MSRA: variants seen among roughly 807,000 people sequenced by gnomAD.
MSRA encodes the protein mitochondrial peptide methionine sulfoxide reductase.
A neutral mutation model predicts 31.3 loss-of-function variants in MSRA; 54 were observed. The ratio of observed to expected loss-of-function variants is 1.73; its 90% CI spans 1.39 to 2.17. MSRA has a LOEUF of 2.17. Ranked by LOEUF, MSRA falls within the 30% of genes most tolerant of loss-of-function variation. The pLI is 0.00. For synonymous variants in MSRA, 169 were observed against 116.5 expected (o/e 1.45, Z -2.90); for missense variants, 507 against 300.9 (o/e 1.69, Z -5.07).
At chr8:10,195,161 CTGTCTT>C (rs1807861493) in intron 1 of MSRA, among the ~76,000 whole-genome samples, 3 of 152,218 alleles carry the variant, frequency 2.0e-5, no homozygotes, top group Admixed American at 6.5e-5. Flanking sequence ...CTTGTGATGA[CTGTCTT>C]TGTCCGTGAG....
intron 5 of MSRA, among the ~76,000 whole-genome samples, chr8:10,392,331 T>TAG (rs2129180135): frequency 6.6e-6 from 1 of 152,296 alleles, no homozygotes; most frequent in Admixed American, 6.5e-5. Context: ...TCGTGATGGC[T>TAG]AGAAGGAGTC....
At position 10,054,538 on chromosome 8, in the gene MSRA, G is replaced by A. The variant is rs769629346; in HGVS notation, c.22G>A (p.Ala8Thr). The A allele has an allele frequency of 3.2e-6, 5 of 1,585,810 alleles. No individual in the cohort carries two copies. In the East Asian group the frequency reaches 7.3e-5, roughly 23 times the overall value. ...TCCCATGCTCTCGGCCACCCGGAGG[G>A]CTTGCCAGCTCCTCCTCCTCCACAG... is the stretch of plus-strand genomic sequence containing the variant. MLSATRR[A>T]CQLLLLHSLF... Residue 8 changes from alanine to threonine, a missense_variant, in exon 1 of 6, where the codon GCT (alanine) becomes ACT (threonine). Coordinates refer to ENST00000317173, the MANE Select transcript of MSRA (RefSeq NM_012331.5).
chr8:10,248,721 T>G (rs985165428), intron 3 of MSRA, among the ~76,000 whole-genome samples: 5 of 152,238 alleles, frequency 3.3e-5, no homozygotes, highest in African/African-American at 4.8e-5. Flanking sequence ...ATAACATGGC[T>G]TCTCATAGTA....
intron 1 of MSRA, among the ~76,000 whole-genome samples, chr8:10,098,113 C>G (rs990370669): frequency 1.3e-5 from 2 of 152,034 alleles, no homozygotes; most frequent in Non-Finnish European, 2.9e-5. Flanking sequence ...ATGCATGCTT[C>G]TTTATTTTTA....
At chr8:10,058,251 G>A (rs955569657) in intron 1 of MSRA, among the ~76,000 whole-genome samples, 1 of 151,738 alleles carries the variant, frequency 6.6e-6, no homozygotes, top group African/African-American at 2.4e-5. Flanking sequence ...GTGGCTCTTT[G>A]AAAAAAAATT....
chr8:10,072,008 C>G lies in MSRA; in HGVS notation c.142+17350C>G, dbSNP rs370064723. 5.3e-5 allele frequency among the ~76,000 whole-genome samples: 8 copies of G among 152,246 alleles called. No individual in the cohort carries two copies. The East Asian group carries it at 1.5e-3, about 29-fold the overall frequency. ...TGGCTGCCCGTACGGGGTGGTCTGC[C>G]TACGAGCACCCCTTTTGTACTGCAA... On this transcript the variant is annotated intron_variant, in intron 1 of 5. Transcript: ENST00000317173.
At chr8:10,350,220 T>G (rs974615596) in intron 5 of MSRA, among the ~76,000 whole-genome samples, 1 of 152,246 alleles carries the variant, frequency 6.6e-6, no homozygotes, top group Non-Finnish European at 1.5e-5. Context: ...CAAAGACACC[T>G]GCTTTGCAGA....
chr8:10,252,295 C>T (rs189674393), intron 3 of MSRA, among the ~76,000 whole-genome samples: 175 of 152,274 alleles, frequency 1.1e-3, no homozygotes, highest in African/African-American at 4.0e-3. Flanking sequence ...TTCTGCTCCT[C>T]TCAGTGAGGT....
At chr8:10,259,826 C>A (rs961585217) in intron 3 of MSRA, among the ~76,000 whole-genome samples, 5 of 152,164 alleles carry the variant, frequency 3.3e-5, no homozygotes, top group Non-Finnish European at 7.4e-5. Context: ...TGCTGCTCCT[C>A]TCGGCTTCTT....
At chr8:10,228,051 A>G (rs931534788) in intron 2 of MSRA, among the ~76,000 whole-genome samples, 2 of 152,194 alleles carry the variant, frequency 1.3e-5, no homozygotes, top group Non-Finnish European at 2.9e-5. Flanking sequence ...ATAGCTGACC[A>G]GAAGAGACTT....
intron 5 of MSRA, among the ~76,000 whole-genome samples, chr8:10,416,123 G>A (rs919721841): frequency 6.6e-6 from 1 of 152,078 alleles, no homozygotes; most frequent in Non-Finnish European, 1.5e-5. Flanking sequence ...ACCTGCTCAC[G>A]CTGGGCACTG....
Position 10,207,869 on chromosome 8 carries a change from C to T in MSRA, c.179C>T (p.Pro60Leu), listed in dbSNP as rs769713745. The change falls in exon 2 of 6, where the codon CCT (proline) becomes CTT (leucine). Residue 60 changes from proline (P) to leucine (L), a missense_variant. Physicochemically the swap from Pro to Leu is moderately conservative, Grantham distance 98. Transcript: ENST00000317173. ...GTCAATGGCAACAGAACAGTCGAAC[C>T]TTTCCCAGAGGGAACACAGATGGCT... ...HHVNGNRTVEPFPEGTQMAVF... is the reference protein window; with the variant it reads ...HHVNGNRTVELFPEGTQMAVF... 6.2e-7 allele frequency: 1 copy of T among 1,612,364 alleles called. No homozygotes were observed. The highest frequency in any genetic ancestry group is 8.5e-7 in the Non-Finnish European group (1 of 1,179,320).
At chr8:10,216,488 A>G (rs1585191673) in intron 2 of MSRA, among the ~76,000 whole-genome samples, 1 of 152,158 alleles carries the variant, frequency 6.6e-6, no homozygotes, top group African/African-American at 2.4e-5. Context: ...AAGTACCTTC[A>G]CATTGTTTTG....
chr8:10,265,835 T>C (rs1258771502), intron 3 of MSRA, among the ~76,000 whole-genome samples: 1 of 152,210 alleles, frequency 6.6e-6, no homozygotes, highest in Non-Finnish European at 1.5e-5. Flanking sequence ...GTGTTTGCAT[T>C]TTGTAGAATT....
intron 2 of MSRA, among the ~76,000 whole-genome samples, chr8:10,232,632 T>C (rs1324062881): frequency 2.0e-5 from 3 of 152,208 alleles, no homozygotes; most frequent in East Asian, 1.9e-4. Flanking sequence ...ATTTGAACTT[T>C]CTTTAAGGTT....
intron 1 of MSRA, among the ~76,000 whole-genome samples, chr8:10,061,165 C>G (rs1802697414): frequency 1.3e-5 from 2 of 152,144 alleles, no homozygotes; most frequent in Non-Finnish European, 2.9e-5. Flanking sequence ...GTCTTTTTCT[C>G]CACTGTGTCC....
At chr8:10,270,142 G>A (rs991719699) in intron 3 of MSRA, among the ~76,000 whole-genome samples, 2 of 152,168 alleles carry the variant, frequency 1.3e-5, no homozygotes, top group African/African-American at 4.8e-5. Flanking sequence ...GTTTCACATG[G>A]GAGCTTTGGT....
intron 2 of MSRA, among the ~76,000 whole-genome samples, chr8:10,228,255 A>T (rs1424984595): frequency 6.6e-6 from 1 of 152,184 alleles, no homozygotes; most frequent in Non-Finnish European, 1.5e-5. Context: ...TGCCCTGGTC[A>T]GAGGTTTCAT....
intron 1 of MSRA, among the ~76,000 whole-genome samples, chr8:10,137,554 T>A (rs955911579): frequency 6.6e-6 from 1 of 152,156 alleles, no homozygotes; most frequent in Non-Finnish European, 1.5e-5. Flanking sequence ...AACTAACCCA[T>A]TAGAAAGAAC....
Sources: gnomAD v4.1 joint callset for allele counts (sites outside exome capture counted in the v4.1 genomes callset) on GRCh38, gnomAD v4.1.1 for gene constraint, MANE v1.5 for transcripts, NCBI Gene and HGNC (gene_info 2026-07-23, HGNC 2026-07-21) for gene names.